Variants in TRMT10C observed in about 807,000 individuals in gnomAD.
The protein encoded by TRMT10C is tRNA methyltransferase 10 homolog C.
TRMT10C carries 14 observed loss-of-function variants against 27.4 expected under a neutral mutation model. The ratio of observed to expected loss-of-function variants is 0.51; its 90% confidence interval spans 0.34 to 0.80. TRMT10C has a LOEUF of 0.80. Ranked by LOEUF, TRMT10C falls within the 30% of genes least tolerant of loss-of-function variation. TRMT10C has a pLI of 0.02. For synonymous variants in TRMT10C, 143 were observed against 155.9 expected (o/e 0.92, Z 0.62); for missense variants, 438 against 464.8 (o/e 0.94, Z 0.53).
chr3:101,564,920 G>T lies in TRMT10C; in HGVS notation c.139G>T (p.Val47Phe), dbSNP rs373793387. 36 of 1,613,766 alleles carry T rather than the reference G, an allele frequency of 2.2e-5. No homozygotes were observed. Among genetic ancestry groups the T allele is most frequent in the Non-Finnish European group, 3.1e-5 (36 of 1,179,998 alleles). ...QRYMSSKIPA[V>F]TYPKNESTPP... Reference sequence around the variant, plus strand: ...ATACATGTCTTCCAAAATACCAGCTGTTACTTATCCTAAAAATGAGAGTAC... The same window carrying T: ...ATACATGTCTTCCAAAATACCAGCTTTTACTTATCCTAAAAATGAGAGTAC... The change falls in exon 2 of 2, where the codon GTT becomes TTT. Residue 47 changes from valine (V) to phenylalanine (F), a missense_variant. Physicochemically the swap from Val to Phe is conservative, Grantham distance 50. Transcript: ENST00000309922.
rs370518333 is a variant in TRMT10C at position 101,565,149 on chromosome 3, G to A, written c.368G>A (p.Cys123Tyr). 1.9e-6 allele frequency: 3 copies of A among 1,605,580 alleles called. No homozygotes were observed. In the African/African-American group the frequency reaches 4.0e-5, roughly 22 times the overall value. ...TEEELKTLMECVSNTAKKKYL... is the reference protein window; with the variant it reads ...TEEELKTLMEYVSNTAKKKYL... ...GAAGAGCTCAAAACCCTTATGGAATGTGTTTCTAACACAGCAAAAAAAAAA... is the reference window on the plus strand; with the variant it reads ...GAAGAGCTCAAAACCCTTATGGAATATGTTTCTAACACAGCAAAAAAAAAA... The change falls in exon 2 of 2, where the codon TGT (cysteine) becomes TAT (tyrosine). Residue 123 changes from cysteine to tyrosine, a missense_variant. By Grantham distance (194) the Cys-to-Tyr change is radical. Transcript: ENST00000309922.
Position 101,564,870 on chromosome 3 carries a change from G to A in TRMT10C, c.89G>A (p.Arg30Lys). 6.2e-7 allele frequency: 1 copy of A among 1,614,038 alleles called. No homozygotes were observed. Among genetic ancestry groups the A allele is most frequent in the Admixed American group, 1.7e-5 (1 of 59,980 alleles). The change falls in exon 2 of 2, where the codon AGA (arginine) becomes AAA (lysine). Residue 30 changes from arginine (R) to lysine (K), a missense_variant. By Grantham distance (26) the Arg-to-Lys change is conservative (BLOSUM62 2). Coordinates refer to ENST00000309922, the MANE Select transcript of TRMT10C (RefSeq NM_017819.4). ...GTGCCATTTACCCTTCATAGGAAGA[G>A]AAATAACTTAACAATTTTGCAGAGA... ...FLVPFTLHRK[R>K]NNLTILQRYM...
At chr3:101,563,800 G>A (rs184545218) in intron 1 of TRMT10C, among the ~76,000 whole-genome samples, 2 of 152,276 alleles carry the variant, frequency 1.3e-5, no homozygotes, top group East Asian at 3.9e-4. Context: ...CAGGCTTTTA[G>A]GATAAAACTG....
chr3:101,563,218 C>T (rs1934451350), intron 1 of TRMT10C, among the ~76,000 whole-genome samples: 1 of 152,120 alleles, frequency 6.6e-6, no homozygotes, highest in Non-Finnish European at 1.5e-5. Context: ...CTTATTCAAG[C>T]GATTCTTCTA....
chr3:101,565,851 T>TA lies in TRMT10C; in HGVS notation c.1071dup (p.Arg358ThrfsTer11), dbSNP rs1934504958. ...AAAAATCTCACCTTAGATCAAATGA[T>TA]ACGTATTTTGTTATGTCTGAAAAAC... On this transcript the variant is annotated frameshift_variant, in exon 2 of 2. Coordinates refer to ENST00000309922, the MANE Select transcript of TRMT10C (RefSeq NM_017819.4). LOFTEE classifies it high-confidence loss of function. 6.2e-7 allele frequency: 1 copy of TA among 1,614,056 alleles called. No individual in the cohort carries two copies.
chr3:101,565,128 A>G lies in TRMT10C; in HGVS notation c.347A>G (p.Glu116Gly). ...REVPEHITEE[E>G]LKTLMECVSN... The stretch of plus-strand genomic sequence containing the variant: ...GTACCAGAACACATCACTGAAGAAG[A>G]GCTCAAAACCCTTATGGAATGTGTT... Residue 116 changes from glutamate to glycine, a missense_variant, in exon 2 of 2, where the codon GAG becomes GGG. By Grantham distance (98) the Glu-to-Gly change is moderately conservative (BLOSUM62 -2). This residue lies in a region of TRMT10C where 350 missense variants were observed against 370.5 expected (regional missense o/e 0.94). Transcript: ENST00000309922. 6.2e-7 allele frequency: 1 copy of G among 1,613,526 alleles called. No homozygotes were observed.
Position 101,564,805 on chromosome 3 carries a change from TGTTA to T in TRMT10C, c.27_30del (p.Val11IlefsTer22). On this transcript the variant is annotated frameshift_variant, in exon 2 of 2. Transcript: ENST00000309922. LOFTEE classifies it high-confidence loss of function. ...ACATGGCTGCTTTCCTCAAAATGAG[TGTTA>T]GTGTCAATTTCTTCAGACCTTTCAC... 1.9e-6 allele frequency: 3 copies of T among 1,597,836 alleles called. No homozygotes were observed. The highest frequency in any genetic ancestry group is 2.6e-6 in the Non-Finnish European group (3 of 1,170,498).
Position 101,566,132 on chromosome 3 carries a change from A to G in TRMT10C, c.*139A>G, listed in dbSNP as rs542622291. 3.8e-5 allele frequency: 39 copies of G among 1,022,642 alleles called. No individual in the cohort carries two copies. The highest frequency in any genetic ancestry group is 5.1e-5 in the Non-Finnish European group (37 of 719,020). 63.3% of individuals were successfully genotyped at this position (1,022,642 alleles called of 1,614,324 possible). A position where few individuals can be genotyped will look rare whatever the true frequency, so the allele number is the denominator to read the frequency against. On this transcript the variant is annotated 3_prime_UTR_variant, in exon 2 of 2. Transcript: ENST00000309922. The stretch of plus-strand genomic sequence containing the variant: ...CCAAACAATTCATTTTTCTCTTCTA[A>G]AGGTAGTCTTTCCCAACTGACTGTA...
At chr3:101,562,504 A>G (rs1214076640) in intron 1 of TRMT10C, among the ~76,000 whole-genome samples, 1 of 152,150 alleles carries the variant, frequency 6.6e-6, no homozygotes, top group East Asian at 1.9e-4. Flanking sequence ...AATACAAAAT[A>G]GCCGGGCGTG....
chr3:101,563,455 G>A (rs974363454), intron 1 of TRMT10C, among the ~76,000 whole-genome samples: 3 of 152,116 alleles, frequency 2.0e-5, no homozygotes, highest in Non-Finnish European at 4.4e-5. Context: ...ACTGCACCCG[G>A]CCTGCATTTG....
Position 101,564,807 on chromosome 3 carries a change from T to TTAG in TRMT10C, c.28_30dup (p.Ser10dup), listed in dbSNP as rs1252350069. Reference sequence around the variant, plus strand: ...ATGGCTGCTTTCCTCAAAATGAGTGTTAGTGTCAATTTCTTCAGACCTTTC... The same window carrying TTAG: ...ATGGCTGCTTTCCTCAAAATGAGTGTTAGTAGTGTCAATTTCTTCAGACCTTTC... On this transcript the variant is annotated inframe_insertion, in exon 2 of 2. Transcript: ENST00000309922. 1 of 1,599,450 alleles carries TTAG rather than the reference T, an allele frequency of 6.3e-7. No homozygotes were observed. Among genetic ancestry groups the TTAG allele is most frequent in the Admixed American group, 1.7e-5 (1 of 57,904 alleles).
intron 1 of TRMT10C, 73 bp downstream of exon 1, chr3:101,562,076 C>G (rs1272482769): frequency 6.6e-6 from 1 of 152,148 alleles, no homozygotes; most frequent in Non-Finnish European, 1.5e-5. Flanking sequence ...CCAAGATGCA[C>G]TTAGTGGAGC....
intron 1 of TRMT10C, 142 bp from the exon 2 acceptor site, chr3:101,564,628 G>A (rs1004584839): frequency 1.2e-6 from 1 of 843,392 alleles, no homozygotes; most frequent in Admixed American, 2.8e-5. Context: ...CAGGAGTCTA[G>A]GAAAAAAATT....
chr3:101,563,174 T>C (rs760197768), intron 1 of TRMT10C, among the ~76,000 whole-genome samples: 1 of 152,192 alleles, frequency 6.6e-6, no homozygotes, highest in Non-Finnish European at 1.5e-5. Context: ...CAGATTTTGT[T>C]GCAAAATCTC....
At chr3:101,563,460 C>T (rs759248529) in intron 1 of TRMT10C, among the ~76,000 whole-genome samples, 5 of 152,048 alleles carry the variant, frequency 3.3e-5, no homozygotes, top group Non-Finnish European at 5.9e-5. Context: ...ACCCGGCCTG[C>T]ATTTGAGATG....
Position 101,562,215 on chromosome 3 carries a change from T to C in TRMT10C, c.-13+212T>C, listed in dbSNP as rs369045155. On this transcript the variant is annotated intron_variant, in intron 1 of 1. Coordinates refer to ENST00000309922, the MANE Select transcript of TRMT10C (RefSeq NM_017819.4). ...ACTTGATTGCTTTTTACAATTGGGG[T>C]TTTCATTTCTGTGGTATTCTAAGTC... The C allele has an allele frequency of 2.0e-5, 3 of 152,178 alleles. No individual in the cohort carries two copies. The East Asian group carries it at 5.8e-4, about 29-fold the overall frequency. 9.4% of individuals were successfully genotyped at this position (152,178 alleles called of 1,614,324 possible).
Position 101,565,536 on chromosome 3 carries a change from GTGCTT to G in TRMT10C, c.759_763del (p.Leu254GlnfsTer5). ...TATTTCTGCAATCTAAAAATAGATG[GTGCTT>G]TGCACAGAGAGTTAGTTAAACGGTA... On this transcript the variant is annotated frameshift_variant, in exon 2 of 2. Coordinates refer to ENST00000309922, the MANE Select transcript of TRMT10C (RefSeq NM_017819.4). LOFTEE classifies it high-confidence loss of function. 6.2e-7 allele frequency: 1 copy of G among 1,613,654 alleles called. No homozygotes were observed. Among genetic ancestry groups the G allele is most frequent in the Non-Finnish European group, 8.5e-7 (1 of 1,179,760 alleles).
At chr3:101,563,856 TTTTC>T (rs1934465625) in intron 1 of TRMT10C, among the ~76,000 whole-genome samples, 1 of 133,942 alleles carries the variant, frequency 7.5e-6, no homozygotes, top group South Asian at 2.5e-4. Context: ...ATCTTGGACA[TTTTC>T]TTTGTTAATA....
At chr3:101,562,757 A>G (rs1217579290) in intron 1 of TRMT10C, among the ~76,000 whole-genome samples, 1 of 152,108 alleles carries the variant, frequency 6.6e-6, no homozygotes, top group African/African-American at 2.4e-5. Context: ...ACTGTGAGCC[A>G]AATACTGTCA....
Sources: gnomAD v4.1 joint callset for allele counts (sites outside exome capture counted in the v4.1 genomes callset) on GRCh38, gnomAD v4.1.1 for gene constraint, gnomAD v4.1.1 regional missense constraint, MANE v1.5 for transcripts, NCBI Gene and HGNC (gene_info 2026-07-23, HGNC 2026-07-21) for gene names.